TMEM120B: variants seen among roughly 807,000 people sequenced by gnomAD.
TMEM120B encodes the protein transmembrane protein 120B.
In TMEM120B, 31 loss-of-function variants were observed where a neutral mutation model predicts 55.5. The ratio of observed to expected loss-of-function variants is 0.56; its 90% CI spans 0.42 to 0.75. TMEM120B has a LOEUF of 0.75. Among genes scored for constraint, TMEM120B ranks in the 30% least tolerant of loss-of-function variants. TMEM120B has a pLI of 0.00. For synonymous variants in TMEM120B, 203 were observed against 176.3 expected (o/e 1.15, Z -1.20); for missense variants, 399 against 425.5 (o/e 0.94, Z 0.55).
chr12:121,719,724 T>G (rs1284893597), intron 1 of TMEM120B, among the ~76,000 whole-genome samples: 1 of 152,118 alleles, frequency 6.6e-6, no homozygotes, highest in Non-Finnish European at 1.5e-5. Flanking sequence ...GACGGAGTTT[T>G]GCTCTTGTTG....
intron 6 of TMEM120B, among the ~76,000 whole-genome samples, 180 bp from the exon 7 acceptor site, chr12:121,770,727 G>A (rs1270841356): frequency 6.6e-6 from 1 of 152,116 alleles, no homozygotes; most frequent in Non-Finnish European, 1.5e-5. Context: ...GGTTTGTGTG[G>A]GATGGTGCAG....
intron 1 of TMEM120B, among the ~76,000 whole-genome samples, chr12:121,713,866 G>A (rs2136936700): frequency 1.3e-5 from 2 of 152,236 alleles, no homozygotes; most frequent in Admixed American, 1.3e-4. Context: ...CGGGGGGTTG[G>A]CTTTGCCTGA....
intron 5 of TMEM120B, chr12:121,758,445 T>C (rs1873550852): frequency 1.0e-6 from 1 of 974,860 alleles, no homozygotes; most frequent in Non-Finnish European, 1.2e-6. Flanking sequence ...GTGGTCACCA[T>C]GGAGGAGGAT....
chr12:121,718,624 G>A (rs1462370032), intron 1 of TMEM120B, among the ~76,000 whole-genome samples: 2 of 152,190 alleles, frequency 1.3e-5, no homozygotes, highest in African/African-American at 2.4e-5. Context: ...ACCCATGCCT[G>A]CTGTATAACT....
Position 121,781,110 on chromosome 12 carries a change from G to A in TMEM120B, c.*5388G>A. The A allele has an allele frequency of 2.5e-6, 4 of 1,614,254 alleles. No homozygotes were observed. The highest frequency in any genetic ancestry group is 3.4e-6 in the Non-Finnish European group (4 of 1,180,040). ...TGATGAGGACGTTGTCGTAGCTGGTGGGATTCATGACGTCATAGCAGATGA... is the reference window on the plus strand; with the variant it reads ...TGATGAGGACGTTGTCGTAGCTGGTAGGATTCATGACGTCATAGCAGATGA... On this transcript the variant is annotated 3_prime_UTR_variant, in exon 12 of 12. Coordinates refer to ENST00000449592, the MANE Select transcript of TMEM120B (RefSeq NM_001080825.2).
Position 121,782,030 on chromosome 12 carries a change from A to G in TMEM120B, c.*6308A>G, listed in dbSNP as rs528307200. ...ATTCTTTGTAACTTTTTGTATTGAC[A>G]GTTTCAAACTTACAGTAAAATTGCA... On this transcript the variant is annotated 3_prime_UTR_variant, in exon 12 of 12. Transcript: ENST00000449592. 1.3e-5 allele frequency: 2 copies of G among 152,266 alleles called. No individual in the cohort carries two copies. The highest frequency in any genetic ancestry group is 4.8e-5 in the African/African-American group (2 of 41,554). 9.4% of individuals were successfully genotyped at this position (152,266 alleles called of 1,614,324 possible).
chr12:121,745,862 A>ATTG, intron 2 of TMEM120B, among the ~76,000 whole-genome samples: 1 of 149,378 alleles, frequency 6.7e-6, no homozygotes, highest in East Asian at 2.0e-4. Flanking sequence ...GTTTTTTGTT[A>ATTG]TTGTTGTTGT....
chr12:121,713,029 G>GC, intron 1 of TMEM120B, 65 bp downstream of exon 1: 5 of 1,366,586 alleles, frequency 3.7e-6, no homozygotes, highest in Non-Finnish European at 4.9e-6. Flanking sequence ...CCCTTCCTGA[G>GC]CCCCCCGGCC....
In TMEM120B at chr12:121,779,780, C is replaced by T. The variant is rs1874379271; in HGVS notation, c.*4058C>T. The T allele has an allele frequency of 9.4e-7, 1 of 1,064,250 alleles. No individual in the cohort carries two copies. The highest frequency in any genetic ancestry group is 2.5e-5 in the East Asian group (1 of 39,854). The allele number at this position is 1,064,250 out of a possible 1,614,324, so 65.9% of individuals were successfully genotyped here. A position where few individuals can be genotyped will look rare whatever the true frequency, so the allele number is the denominator to read the frequency against. ...CAGGGATGGAGGCCTTGGTTTGGGC[C>T]TGTCTGTCTCCTCCATCCTGGCTGC... On this transcript the variant is annotated 3_prime_UTR_variant, in exon 12 of 12. Coordinates refer to ENST00000449592, the MANE Select transcript of TMEM120B (RefSeq NM_001080825.2).
Position 121,781,162 on chromosome 12 carries a change from A to G in TMEM120B, c.*5440A>G, listed in dbSNP as rs1874441852. On this transcript the variant is annotated 3_prime_UTR_variant, in exon 12 of 12. Transcript: ENST00000449592. ...CACGAGGTGGGTGTTCTGGTAGGAC[A>G]GGGGCCGCAGCCGGTCATAGTCTTC... 3.7e-6 allele frequency: 6 copies of G among 1,614,144 alleles called. No individual in the cohort carries two copies. Among genetic ancestry groups the G allele is most frequent in the East Asian group, 2.2e-5 (1 of 44,886 alleles).
At position 121,779,371 on chromosome 12, in the gene TMEM120B, C is replaced by G; in HGVS notation, c.*3649C>G. On this transcript the variant is annotated 3_prime_UTR_variant, in exon 12 of 12. Coordinates refer to ENST00000449592, the MANE Select transcript of TMEM120B (RefSeq NM_001080825.2). ...GAAAGGAGAGAGTTCCAGAATGTTCCAAGAGTCTAGCCGCAGGCCCCAGAC... is the reference window on the plus strand; with the variant it reads ...GAAAGGAGAGAGTTCCAGAATGTTCGAAGAGTCTAGCCGCAGGCCCCAGAC... 1 of 1,008,378 alleles carries G rather than the reference C, an allele frequency of 9.9e-7. No homozygotes were observed. Among genetic ancestry groups the G allele is most frequent in the South Asian group, 1.6e-5 (1 of 62,694 alleles). 62.5% of individuals were successfully genotyped at this position (1,008,378 alleles called of 1,614,324 possible).
At chr12:121,764,525 A>G (rs1003122566) in intron 6 of TMEM120B, among the ~76,000 whole-genome samples, 5 of 151,728 alleles carry the variant, frequency 3.3e-5, no homozygotes, top group African/African-American at 1.2e-4. Flanking sequence ...CGGTCTAAAA[A>G]AAAATTAGCC....
chr12:121,741,093 AC>A (rs1349465398), intron 1 of TMEM120B, among the ~76,000 whole-genome samples: 2 of 152,010 alleles, frequency 1.3e-5, no homozygotes, highest in Non-Finnish European at 2.9e-5. Context: ...TTTTTTTTCA[AC>A]CCTGCAAAAC....
intron 2 of TMEM120B, among the ~76,000 whole-genome samples, chr12:121,744,746 GC>G (rs1873032449): frequency 6.6e-6 from 1 of 152,160 alleles, no homozygotes; most frequent in African/African-American, 2.4e-5. Context: ...ACTTAGCTGG[GC>G]CTCCATTTTA....
chr12:121,774,622 C>T (rs1165037656), intron 9 of TMEM120B, 36 bp from the exon 10 acceptor site: 2 of 1,604,598 alleles, frequency 1.2e-6, no homozygotes, highest in Non-Finnish European at 1.7e-6. Flanking sequence ...CAGCGGACCC[C>T]CTCAGCGGGT....
At chr12:121,740,328 T>TAAA (rs1021014539) in intron 1 of TMEM120B, among the ~76,000 whole-genome samples, 44 of 151,432 alleles carry the variant, frequency 2.9e-4, no homozygotes, top group African/African-American at 1.1e-3. Flanking sequence ...CTACTAAAAA[T>TAAA]ACAAAATTAG....
chr12:121,771,688 CAGA>C (rs1038926497), intron 8 of TMEM120B, 139 bp downstream of exon 8: 82 of 881,146 alleles, frequency 9.3e-5, no homozygotes, highest in Non-Finnish European at 1.4e-4. Context: ...CCCAGAAATC[CAGA>C]AGGAGAGCTG....
At chr12:121,736,635 C>T (rs915840000) in intron 1 of TMEM120B, among the ~76,000 whole-genome samples, 28 of 151,948 alleles carry the variant, frequency 1.8e-4, no homozygotes, top group Admixed American at 1.1e-3. Context: ...CTGCAACCTC[C>T]GCCTCCCGGG....
rs369337961 is a variant in TMEM120B, at chr12:121,779,517, C to T, written c.*3795C>T. 52 of 1,612,578 alleles carry T rather than the reference C, an allele frequency of 3.2e-5. 1 individual carries two copies. Among genetic ancestry groups the T allele is most frequent in the South Asian group, 1.2e-4 (11 of 91,086 alleles). ...CCTGGGTCAGAGCAGCAGGCAGAGC[C>T]GGCGCTTCTTCTGCCGTTGCGCCTT... On this transcript the variant is annotated 3_prime_UTR_variant, in exon 12 of 12. Coordinates refer to ENST00000449592, the MANE Select transcript of TMEM120B (RefSeq NM_001080825.2).
Sources: allele counts gnomAD v4.1 joint callset (sites outside exome capture counted in the v4.1 genomes callset), GRCh38; gene constraint gnomAD v4.1.1; transcripts MANE v1.5; gene names NCBI Gene and HGNC (gene_info 2026-07-23, HGNC 2026-07-21).